Variants in CRAMP1 observed in about 807,000 individuals in gnomAD.
CRAMP1 encodes the protein cramped chromatin regulator 1, also known as protein cramped-like.
CRAMP1 carries 50 observed loss-of-function variants against 115.4 expected under a neutral mutation model. The observed-to-expected ratio is 0.43, with a 90% CI of 0.35 to 0.55. The LOEUF is 0.55. Ranked by LOEUF, CRAMP1 falls within the 20% of genes least tolerant of loss-of-function variation. CRAMP1 has a pLI of 0.01. For synonymous variants in CRAMP1, 866 were observed against 745.4 expected (o/e 1.16, Z -2.64); for missense variants, 1,679 against 1,721.7 (o/e 0.98, Z 0.44).
intron 11 of CRAMP1, among the ~76,000 whole-genome samples, chr16:1,661,050 C>A (rs2036825028): frequency 6.6e-6 from 1 of 151,974 alleles, no homozygotes; most frequent in African/African-American, 2.4e-5. Flanking sequence ...TAAAATAAGG[C>A]CCGGAACAGT....
chr16:1,662,886 G>C, intron 13 of CRAMP1, 51 bp downstream of exon 13: 1 of 1,418,414 alleles, frequency 7.1e-7, no homozygotes, highest in Middle Eastern at 1.8e-4. Flanking sequence ...GGGCCAACCA[G>C]GACACAGGGC....
intron 6 of CRAMP1, among the ~76,000 whole-genome samples, chr16:1,644,160 T>A (rs1596489313): frequency 1.3e-5 from 2 of 151,700 alleles, no homozygotes; most frequent in South Asian, 4.2e-4. Context: ...GCAGCGAGAG[T>A]GGGAGCCTGC....
chr16:1,625,612 A>AGAAATACGCAT (rs1435467978), intron 2 of CRAMP1: 2 of 172,838 alleles, frequency 1.2e-5, no homozygotes, highest in African/African-American at 2.4e-5. Flanking sequence ...CATTTACAAA[A>AGAAATACGCAT]GAAATACGCA....
intron 6 of CRAMP1, 56 bp from the exon 7 acceptor site, chr16:1,652,440 T>G (rs764270546): frequency 8.8e-6 from 13 of 1,480,902 alleles, no homozygotes; most frequent in Non-Finnish European, 1.2e-5. Context: ...GTGCTGGCCC[T>G]TCCGTCCTTC....
At chr16:1,670,870 C>T (rs759780644) in intron 20 of CRAMP1, 61 bp downstream of exon 20, 57 of 1,512,828 alleles carry the variant, frequency 3.8e-5, no homozygotes, top group Admixed American at 5.2e-5. Flanking sequence ...AGGTTGCCAG[C>T]ACTCTCCTGC....
chr16:1,631,958 G>T (rs2036550894), intron 3 of CRAMP1, among the ~76,000 whole-genome samples: 1 of 152,184 alleles, frequency 6.6e-6, no homozygotes, highest in Non-Finnish European at 1.5e-5. Flanking sequence ...CCTGTCTGGG[G>T]TGCTTGCCTC....
Position 1,615,278 on chromosome 16 carries a change from A to T in CRAMP1, c.346+293A>T, listed in dbSNP as rs184041233. Among the ~76,000 whole-genome samples the T allele has an allele frequency of 1.4e-3, 217 of 152,254 alleles. 3 individuals are homozygous for T. The highest frequency in any genetic ancestry group is 4.7e-3 in the African/African-American group (196 of 41,542). On this transcript the variant is annotated intron_variant, in intron 2 of 20. Coordinates refer to ENST00000397412, the MANE Select transcript of CRAMP1 (RefSeq NM_020825.4). ...TCCAAAGGATCACTGATGGTTTTCTATGGTTTTGTGTTTCAAACAGCGGAC... is the reference window on the plus strand; with the variant it reads ...TCCAAAGGATCACTGATGGTTTTCTTTGGTTTTGTGTTTCAAACAGCGGAC...
chr16:1,615,235 C>T (rs532739350), intron 2 of CRAMP1, among the ~76,000 whole-genome samples: 1 of 152,266 alleles, frequency 6.6e-6, no homozygotes, highest in East Asian at 1.9e-4. Context: ...CGAAGAGATC[C>T]CTTAAAGCTG....
intron 2 of CRAMP1, among the ~76,000 whole-genome samples, chr16:1,623,296 T>G (rs1020611654): frequency 1.3e-5 from 2 of 152,242 alleles, no homozygotes; most frequent in Non-Finnish European, 2.9e-5. Flanking sequence ...ACCAGCCTCA[T>G]CAGAGCTGCC....
rs549557472 is a variant in CRAMP1, at chr16:1,616,113, A to G, written c.346+1128A>G. Among the ~76,000 whole-genome samples, 5 of 152,372 alleles carry G rather than the reference A, an allele frequency of 3.3e-5. No individual in the cohort carries two copies. In the East Asian group the frequency reaches 9.6e-4, roughly 29 times the overall value. Reference sequence around the variant, plus strand: ...TATACTTATTTAAAGATGTAAATAGAAGGTAACTTAGCATGTTTCAGAATT... The same window carrying G: ...TATACTTATTTAAAGATGTAAATAGGAGGTAACTTAGCATGTTTCAGAATT... On this transcript the variant is annotated intron_variant, in intron 2 of 20. Transcript: ENST00000397412.
chr16:1,616,767 T>A (rs1465688221), intron 2 of CRAMP1, among the ~76,000 whole-genome samples: 2 of 152,168 alleles, frequency 1.3e-5, no homozygotes, highest in African/African-American at 4.8e-5. Flanking sequence ...TTTATTAGAA[T>A]TTGTGCTCCT....
intron 14 of CRAMP1, 76 bp downstream of exon 14, chr16:1,665,214 T>C: frequency 2.2e-6 from 2 of 898,884 alleles, no homozygotes; most frequent in South Asian, 1.3e-5. Context: ...AGACAATGGG[T>C]GCTTATTTCC....
At chr16:1,631,918 A>G (rs1439431791) in intron 3 of CRAMP1, among the ~76,000 whole-genome samples, 2 of 152,190 alleles carry the variant, frequency 1.3e-5, no homozygotes, top group Non-Finnish European at 2.9e-5. Context: ...CAATTAAGGC[A>G]TTTGTCCAAG....
intron 2 of CRAMP1, among the ~76,000 whole-genome samples, chr16:1,625,145 G>A (rs936965717): frequency 9.2e-5 from 14 of 152,126 alleles, no homozygotes; most frequent in African/African-American, 2.9e-4. Flanking sequence ...GACAGTTCCC[G>A]CTCCCTCTGC....
At chr16:1,650,489 C>G (rs922682338) in intron 6 of CRAMP1, among the ~76,000 whole-genome samples, 4 of 152,224 alleles carry the variant, frequency 2.6e-5, no homozygotes, top group Admixed American at 2.0e-4. Context: ...AATTTTCAAA[C>G]AATACACAGA....
chr16:1,670,108 T>G (rs114102764), intron 19 of CRAMP1, among the ~76,000 whole-genome samples: 1 of 151,136 alleles, frequency 6.6e-6, no homozygotes, highest in East Asian at 2.0e-4. Context: ...CTACAGAAAA[T>G]TTTAAAACTA....
chr16:1,655,960 C>G lies in CRAMP1; in HGVS notation c.1203C>G (p.Gly401=), dbSNP rs760921333. The change falls in exon 10 of 21, where the codon GGC becomes GGG. Residue 401 remains glycine, a synonymous_variant. Transcript: ENST00000397412. ...QEKVTLHLFP[G]ENCTLTPLPG... ...AGGTGACACTGCACTTGTTCCCAGG[C>G]GAGAACTGTACACTGACACCGCTGC... 1.2e-6 allele frequency: 2 copies of G among 1,613,090 alleles called. No individual in the cohort carries two copies. The highest frequency in any genetic ancestry group is 1.7e-6 in the Non-Finnish European group (2 of 1,179,888).
chr16:1,659,837 A>G (rs2142201774), intron 10 of CRAMP1, 49 bp from the exon 11 acceptor site: 1 of 1,565,308 alleles, frequency 6.4e-7, no homozygotes, highest in Non-Finnish European at 8.8e-7. Context: ...CGCAAGAGCC[A>G]TTTCTCATGT....
intron 4 of CRAMP1, among the ~76,000 whole-genome samples, chr16:1,635,823 G>A (rs2036584477): frequency 6.6e-6 from 1 of 152,176 alleles, no homozygotes; most frequent in Non-Finnish European, 1.5e-5. Context: ...CCGGTGCTGG[G>A]AGCCCTCAGT....
Sources: gnomAD v4.1 joint callset for allele counts (sites outside exome capture counted in the v4.1 genomes callset) on GRCh38, gnomAD v4.1.1 for gene constraint, MANE v1.5 for transcripts, NCBI Gene and HGNC (gene_info 2026-07-23, HGNC 2026-07-21) for gene names.